PCTP: variants seen among roughly 807,000 people sequenced by gnomAD.
PCTP encodes the protein START domain-containing protein 2.
A neutral mutation model predicts 31.0 loss-of-function variants in PCTP; 27 were observed. The ratio of observed to expected loss-of-function variants is 0.87; its 90% CI spans 0.64 to 1.20. The LOEUF is 1.20. Ranked by LOEUF, PCTP falls within the 50% of genes most tolerant of loss-of-function variation. The probability of loss-of-function intolerance (pLI) is 0.00; values close to 1 mark genes in which losing one functional copy is unlikely to be tolerated. For missense variants in PCTP, 287 were observed against 268.2 expected, an observed-to-expected ratio of 1.07 and a Z score of -0.49; for synonymous variants, 108 against 101.2, an observed-to-expected ratio of 1.07 and a Z score of -0.40.
chr17:55,785,728 C>T (rs1911725465), intron 2 of PCTP, among the ~76,000 whole-genome samples: 1 of 152,168 alleles, frequency 6.6e-6, no homozygotes, highest in Admixed American at 6.5e-5. Context: ...AATGAAAATT[C>T]AGTGAACAAA....
At chr17:55,764,124 T>C (rs1025168290) in intron 1 of PCTP, among the ~76,000 whole-genome samples, 2 of 152,216 alleles carry the variant, frequency 1.3e-5, no homozygotes, top group South Asian at 2.1e-4. Context: ...CTATGGGTTG[T>C]AACTACATTC....
At chr17:55,772,284 G>C (rs1023370419) in intron 3 of PCTP, among the ~76,000 whole-genome samples, 1 of 152,154 alleles carries the variant, frequency 6.6e-6, no homozygotes, top group Non-Finnish European at 1.5e-5. Context: ...AACAGGGGGC[G>C]CTGTCAAGAC....
intron 5 of PCTP, among the ~76,000 whole-genome samples, chr17:55,840,472 G>A (rs1905938735): frequency 6.6e-6 from 1 of 152,194 alleles, no homozygotes; most frequent in Non-Finnish European, 1.5e-5. Context: ...AATGAATGAT[G>A]TGCTCACTGA....
intron 3 of PCTP, among the ~76,000 whole-genome samples, chr17:55,789,997 A>G (rs868470814): frequency 1.6e-4 from 24 of 152,326 alleles, no homozygotes; most frequent in Middle Eastern, 3.4e-3. Flanking sequence ...GCCTGGTTCA[A>G]TATATGAAAA....
the PCTP span, among the ~76,000 whole-genome samples, chr17:55,848,312 G>T: frequency 6.6e-6 from 1 of 152,212 alleles, no homozygotes; most frequent in Non-Finnish European, 1.5e-5. Flanking sequence ...AGAAAAGTGT[G>T]TGTAAGGAAG....
intron 3 of PCTP, among the ~76,000 whole-genome samples, chr17:55,805,700 G>C (rs1275775502): frequency 6.6e-6 from 1 of 152,092 alleles, no homozygotes; most frequent in East Asian, 1.9e-4. Context: ...TAAGAATACA[G>C]ATCTACACAA....
intron 5 of PCTP, among the ~76,000 whole-genome samples, chr17:55,828,293 G>A (rs895863378): frequency 5.3e-5 from 8 of 152,132 alleles, no homozygotes; most frequent in African/African-American, 1.9e-4. Context: ...CACAGTTTTG[G>A]GGGCTGGGCA....
chr17:55,793,336 C>G (rs1285558351), intron 3 of PCTP, among the ~76,000 whole-genome samples: 1 of 152,008 alleles, frequency 6.6e-6, no homozygotes, highest in Non-Finnish European at 1.5e-5. Context: ...CACATTTTCA[C>G]CCCTGTTTCC....
rs143120728 is a variant in PCTP at position 55,816,236 on chromosome 17, A to G, written c.318-6525A>G. 3.0e-3 allele frequency among the ~76,000 whole-genome samples: 453 copies of G among 152,324 alleles called. 1 individual carries two copies. Among genetic ancestry groups the G allele is most frequent in the African/African-American group, 0.011 (440 of 41,576 alleles). On this transcript the variant is annotated intron_variant, in intron 3 of 3. Transcript: ENST00000572536. ...TCATGATCACCCCCAAAGAAATCCC[A>G]AATGTTTTAGCCAACATTCTCCAAT...
At chr17:55,801,036 A>T (rs1012868967) in intron 3 of PCTP, among the ~76,000 whole-genome samples, 1 of 152,096 alleles carries the variant, frequency 6.6e-6, no homozygotes, top group African/African-American at 2.4e-5. Flanking sequence ...TACCAGCTGG[A>T]ACTCTCCTGT....
chr17:55,783,012 G>A (rs761026637), intron 2 of PCTP, among the ~76,000 whole-genome samples: 3 of 152,024 alleles, frequency 2.0e-5, no homozygotes, highest in Non-Finnish European at 4.4e-5. Flanking sequence ...TCAATGGTGG[G>A]GCAACAAGCT....
chr17:55,819,350 G>A (rs999228012), intron 3 of PCTP, among the ~76,000 whole-genome samples: 2 of 152,052 alleles, frequency 1.3e-5, no homozygotes, highest in Non-Finnish European at 2.9e-5. Context: ...AGATTGGAAA[G>A]GAAAAAGCAA....
intron 3 of PCTP, among the ~76,000 whole-genome samples, chr17:55,800,752 C>G (rs1250334320): frequency 6.6e-6 from 1 of 152,014 alleles, no homozygotes; most frequent in Non-Finnish European, 1.5e-5. Flanking sequence ...TTTTCCTCAT[C>G]TTTGTGGATT....
Position 55,776,393 on chromosome 17 carries a change from C to A in PCTP, c.*293C>A. ...TCAATATGGGGCAGACTAGGGAAAC[C>A]TTTGCTTGCTTACTATTAGGAGGGG... On this transcript the variant is annotated 3_prime_UTR_variant, in exon 6 of 6. Transcript: ENST00000268896. 1 of 1,257,596 alleles carries A rather than the reference C, an allele frequency of 8.0e-7. No homozygotes were observed. Among genetic ancestry groups the A allele is most frequent in the Non-Finnish European group, 1.0e-6 (1 of 1,003,620 alleles). 77.9% of individuals were successfully genotyped at this position (1,257,596 alleles called of 1,614,324 possible).
rs57402824 is a variant in PCTP at position 55,839,919 on chromosome 17, CAAAAAAAAAAAAAAA to C, written n.506-2794_506-2780del. Among the ~76,000 whole-genome samples the C allele has an allele frequency of 8.8e-4, 11 of 12,506 alleles. No individual in the cohort carries two copies. The East Asian group carries it at 0.026, about 30-fold the overall frequency. The allele number at this position is 12,506 out of a possible 152,430, so 8.2% of individuals were successfully genotyped here. On this transcript the variant is annotated intron_variant and non_coding_transcript_variant, in intron 5 of 5. Coordinates refer to the PCTP transcript ENST00000576221. ...TGGGCGACAGAGCGAGACTCAGTCT[CAAAAAAAAAAAAAAA>C]AAAAAAAAAAAAACAACTGAAGCAC...
rs1260002950 is a variant in PCTP, at chr17:55,773,817, G to A, written c.433G>A (p.Glu145Lys). 1.9e-6 allele frequency: 3 copies of A among 1,613,726 alleles called. No homozygotes were observed. The highest frequency in any genetic ancestry group is 2.2e-5 in the South Asian group (2 of 91,022). ...GAGCACCTCCATGCCTCAGCTTGGC[G>A]AGAGGTCTGGGGTGATCCGGGTGAA... ...ARSTSMPQLGERSGVIRVKQY... is the reference protein window; with the variant it reads ...ARSTSMPQLGKRSGVIRVKQY... The change falls in exon 4 of 6, where the codon GAG becomes AAG. Residue 145 changes from glutamate to lysine, a missense_variant. Physicochemically the swap from Glu to Lys is moderately conservative, Grantham distance 56 (BLOSUM62 1). Coordinates refer to ENST00000268896, the MANE Select transcript of PCTP (RefSeq NM_021213.4).
At chr17:55,790,641 G>A (rs1180027400) in intron 3 of PCTP, among the ~76,000 whole-genome samples, 15 of 151,262 alleles carry the variant, frequency 9.9e-5, no homozygotes, top group Non-Finnish European at 1.3e-4. Context: ...ACCACTGCTC[G>A]AGGAAATAAA....
intron 2 of PCTP, chr17:55,769,612 A>G (rs1426591110): frequency 6.6e-6 from 1 of 152,218 alleles, no homozygotes; most frequent in Non-Finnish European, 1.5e-5. Context: ...ATCCAGTGGA[A>G]GCAGCAGTTA....
At chr17:55,797,437 G>A (rs1306544848) in intron 3 of PCTP, among the ~76,000 whole-genome samples, 2 of 151,950 alleles carry the variant, frequency 1.3e-5, no homozygotes, top group Non-Finnish European at 2.9e-5. Flanking sequence ...AGGAAAATGT[G>A]GAATTTAGAA....
Sources: allele counts gnomAD v4.1 joint callset (sites outside exome capture counted in the v4.1 genomes callset), GRCh38; gene constraint gnomAD v4.1.1; transcripts MANE v1.5; gene names NCBI Gene and HGNC (gene_info 2026-07-23, HGNC 2026-07-21).